Variants in CNBD1 observed in about 807,000 individuals in gnomAD.
CNBD1 encodes the protein cyclic nucleotide-binding domain-containing protein 1.
A neutral mutation model predicts 54.4 loss-of-function variants in CNBD1; 71 were observed. That is an observed-to-expected ratio of 1.30 (90% CI 1.08 to 1.59). The LOEUF is 1.59. Ranked by LOEUF, CNBD1 falls within the 40% of genes most tolerant of loss-of-function variation. CNBD1 has a pLI of 0.00. For missense variants in CNBD1, 659 were observed against 518.0 expected (o/e 1.27, Z -2.64); for synonymous variants, 182 against 170.7 (o/e 1.07, Z -0.51).
At chr8:87,400,607 G>A (rs899360947) in intron 2 of CNBD1, among the ~76,000 whole-genome samples, 1 of 151,866 alleles carries the variant, frequency 6.6e-6, no homozygotes, top group African/African-American at 2.4e-5. Flanking sequence ...AATAATAGAT[G>A]CCATTTATCC....
At chr8:87,420,778 T>A (rs1271804515) in intron 2 of CNBD1, among the ~76,000 whole-genome samples, 11 of 151,964 alleles carry the variant, frequency 7.2e-5, no homozygotes, top group Admixed American at 7.2e-4. Context: ...TTTCTTCTTT[T>A]TTTTTTTTTG....
intron 4 of CNBD1, among the ~76,000 whole-genome samples, chr8:86,967,746 G>T (rs2130484206): frequency 6.6e-6 from 1 of 150,468 alleles, no homozygotes; most frequent in South Asian, 2.1e-4. Flanking sequence ...AAGATTCCTG[G>T]TCTGGTAATT....
intron 10 of CNBD1, among the ~76,000 whole-genome samples, chr8:87,377,198 T>A (rs1379587452): frequency 5.3e-5 from 8 of 151,188 alleles, no homozygotes; most frequent in South Asian, 2.1e-4. Context: ...CATGTGCACA[T>A]TGTGCAGGTT....
intron 4 of CNBD1, among the ~76,000 whole-genome samples, chr8:86,948,432 C>G (rs1382331214): frequency 1.3e-5 from 2 of 152,088 alleles, no homozygotes; most frequent in Non-Finnish European, 2.9e-5. Flanking sequence ...TATTGCCTAT[C>G]TTTTGGATAT....
chr8:86,953,518 T>A (rs1204295051), intron 4 of CNBD1, among the ~76,000 whole-genome samples: 1 of 152,154 alleles, frequency 6.6e-6, no homozygotes, highest in East Asian at 1.9e-4. Flanking sequence ...TTGGAACACA[T>A]TTTAACATTT....
chr8:86,872,917 A>G (rs1364555232), intron 1 of CNBD1, among the ~76,000 whole-genome samples: 2 of 152,014 alleles, frequency 1.3e-5, no homozygotes, highest in Non-Finnish European at 2.9e-5. Context: ...AGCTTTGTAG[A>G]GTGATGTAAT....
At chr8:86,867,317 G>A (rs1477206445) in intron 1 of CNBD1, among the ~76,000 whole-genome samples, 1 of 152,058 alleles carries the variant, frequency 6.6e-6, no homozygotes, top group African/African-American at 2.4e-5. Flanking sequence ...GGATAACAAA[G>A]GTAATACTTG....
At chr8:87,368,505 C>A (rs1011668572) in intron 10 of CNBD1, among the ~76,000 whole-genome samples, 5 of 151,566 alleles carry the variant, frequency 3.3e-5, no homozygotes, top group Non-Finnish European at 7.4e-5. Context: ...GGGCATGGTG[C>A]CTCACACCTG....
chr8:87,180,638 C>T (rs1413600832), intron 4 of CNBD1, among the ~76,000 whole-genome samples: 9 of 151,984 alleles, frequency 5.9e-5, no homozygotes. Flanking sequence ...ATAATTTAAT[C>T]ACATATTTGA....
chr8:87,312,479 G>A (rs1236716867), intron 8 of CNBD1, among the ~76,000 whole-genome samples: 1 of 151,980 alleles, frequency 6.6e-6, no homozygotes, highest in Admixed American at 6.6e-5. Flanking sequence ...TGACAAAAAT[G>A]AGCTGATCTT....
At chr8:87,359,774 G>T (rs756390900) in intron 10 of CNBD1, among the ~76,000 whole-genome samples, 9 of 152,022 alleles carry the variant, frequency 5.9e-5, no homozygotes, top group Non-Finnish European at 1.2e-4. Flanking sequence ...CTCAGCGTGA[G>T]CAAACTCTAT....
At chr8:87,340,033 A>T (rs985042402) in intron 8 of CNBD1, among the ~76,000 whole-genome samples, 1 of 152,106 alleles carries the variant, frequency 6.6e-6, no homozygotes, top group Admixed American at 6.6e-5. Context: ...TTTCAATTTA[A>T]CTTGAAGGAC....
At chr8:86,962,323 T>G (rs1430193337) in intron 4 of CNBD1, among the ~76,000 whole-genome samples, 1 of 152,218 alleles carries the variant, frequency 6.6e-6, no homozygotes, top group Non-Finnish European at 1.5e-5. Flanking sequence ...TTGATAACCA[T>G]GGACATCTAC....
intron 4 of CNBD1, among the ~76,000 whole-genome samples, chr8:86,988,017 G>C (rs928873543): frequency 1.3e-5 from 2 of 152,048 alleles, no homozygotes; most frequent in Admixed American, 1.3e-4. Context: ...TTAATATAAT[G>C]AGCAGGAAGG....
At position 86,913,900 on chromosome 8, in the gene CNBD1, G is replaced by A. The variant is rs183472000; in HGVS notation, c.272+8706G>A. Among the ~76,000 whole-genome samples, 104 of 152,160 alleles carry A rather than the reference G, an allele frequency of 6.8e-4. 1 individual carries two copies. In the East Asian group the frequency reaches 0.015, roughly 22 times the overall value. ...CCAGGGCAGCCATTTTAGAGGCCCC[G>A]CCCTGGGAATGCATTCTTTTCCCAG... On this transcript the variant is annotated intron_variant, in intron 3 of 10. Coordinates refer to ENST00000518476, the MANE Select transcript of CNBD1 (RefSeq NM_173538.3).
At chr8:87,055,978 T>A (rs1810409962) in intron 4 of CNBD1, among the ~76,000 whole-genome samples, 1 of 150,288 alleles carries the variant, frequency 6.7e-6, no homozygotes, top group Non-Finnish European at 1.5e-5. Context: ...ACAATAATGA[T>A]AATGAGAACA....
At chr8:86,910,112 C>T (rs544927337) in intron 3 of CNBD1, among the ~76,000 whole-genome samples, 1 of 152,138 alleles carries the variant, frequency 6.6e-6, no homozygotes, top group Non-Finnish European at 1.5e-5. Context: ...TGAATTAGTC[C>T]AGGCTTTTAG....
intron 4 of CNBD1, among the ~76,000 whole-genome samples, chr8:87,155,797 C>T (rs1338935722): frequency 6.6e-6 from 1 of 152,130 alleles, no homozygotes; most frequent in Non-Finnish European, 1.5e-5. Flanking sequence ...AATGTCATGA[C>T]ATCAATCAGG....
At position 87,122,647 on chromosome 8, in the gene CNBD1, A is replaced by G. The variant is rs192917861; in HGVS notation, c.432-83346A>G. Among the ~76,000 whole-genome samples the G allele has an allele frequency of 2.0e-5, 3 of 151,890 alleles. No homozygotes were observed. The East Asian group carries it at 5.8e-4, about 29-fold the overall frequency. ...TCATTTAGCATTCCAGGCCAATGTC[A>G]TTTAGCATTCCCCCTATTTTATTCG... On this transcript the variant is annotated intron_variant, in intron 4 of 10. Coordinates refer to ENST00000518476, the MANE Select transcript of CNBD1 (RefSeq NM_173538.3).
Sources: gnomAD v4.1 joint callset for allele counts (sites outside exome capture counted in the v4.1 genomes callset) on GRCh38, gnomAD v4.1.1 for gene constraint, MANE v1.5 for transcripts, NCBI Gene and HGNC (gene_info 2026-07-23, HGNC 2026-07-21) for gene names.